Variants in SLC12A1 observed in about 807,000 individuals in gnomAD.
SLC12A1 encodes the protein solute carrier family 12 member 1.
A neutral mutation model predicts 130.4 loss-of-function variants in SLC12A1; 89 were observed. The observed-to-expected ratio is 0.68, with a 90% CI of 0.58 to 0.81. The LOEUF (loss-of-function observed/expected upper bound fraction) is 0.81. Ranked by LOEUF, SLC12A1 falls within the 40% of genes least tolerant of loss-of-function variation. SLC12A1 has a pLI of 0.00. For missense variants in SLC12A1, 1,310 were observed against 1,336.4 expected (o/e 0.98, Z 0.31); for synonymous variants, 499 against 460.0 (o/e 1.08, Z -1.09).
At chr15:48,227,109 T>C (rs1567309558) in intron 5 of SLC12A1, 2 of 1,552,200 alleles carry the variant, frequency 1.3e-6, no homozygotes, top group Non-Finnish European at 1.7e-6. Context: ...GGCCTAAGTG[T>C]GGTAGTAACG....
chr15:48,215,040 A>G (rs563159452), intron 2 of SLC12A1, among the ~76,000 whole-genome samples: 26 of 152,260 alleles, frequency 1.7e-4, no homozygotes, highest in African/African-American at 5.8e-4. Flanking sequence ...GTTGGAACTT[A>G]AAGAATAAAT....
chr15:48,295,912 G>T (rs1175619188), intron 24 of SLC12A1, among the ~76,000 whole-genome samples: 4 of 152,202 alleles, frequency 2.6e-5, no homozygotes, highest in African/African-American at 9.6e-5. Flanking sequence ...GTAGAAGACA[G>T]TATGGTCATT....
intron 6 of SLC12A1, 102 bp from the exon 7 acceptor site, chr15:48,230,291 C>T: frequency 1.5e-6 from 1 of 687,804 alleles, no homozygotes. Context: ...CTATATGGCC[C>T]CAGGTGTAAT....
At chr15:48,288,816 T>C (rs2042087313) in intron 23 of SLC12A1, among the ~76,000 whole-genome samples, 1 of 152,196 alleles carries the variant, frequency 6.6e-6, no homozygotes, top group Admixed American at 6.6e-5. Flanking sequence ...GCTTATTTTG[T>C]TCTGACCAGT....
chr15:48,242,136 C>T (rs533011627), intron 10 of SLC12A1, among the ~76,000 whole-genome samples: 6 of 152,120 alleles, frequency 3.9e-5, no homozygotes, highest in Non-Finnish European at 8.8e-5. Context: ...GGTGGCCAGC[C>T]CCTACATTGT....
chr15:48,237,062 TGAATTA>T, intron 9 of SLC12A1: 1 of 701,848 alleles, frequency 1.4e-6, no homozygotes, highest in East Asian at 2.7e-5. Flanking sequence ...TTCCCTTATA[TGAATTA>T]GAACAAGCAA....
At chr15:48,260,192 G>A (rs2041756870) in intron 17 of SLC12A1, among the ~76,000 whole-genome samples, 1 of 151,858 alleles carries the variant, frequency 6.6e-6, no homozygotes, top group Non-Finnish European at 1.5e-5. Flanking sequence ...TTGAACCTGG[G>A]AGGTGGAGGT....
chr15:48,241,876 G>T (rs757249011), intron 10 of SLC12A1, among the ~76,000 whole-genome samples: 1 of 152,168 alleles, frequency 6.6e-6, no homozygotes, highest in Non-Finnish European at 1.5e-5. Flanking sequence ...CACCCTTGAT[G>T]ATAATCCCAC....
intron 20 of SLC12A1, among the ~76,000 whole-genome samples, chr15:48,277,868 T>C (rs2141102011): frequency 6.6e-6 from 1 of 152,304 alleles, no homozygotes; most frequent in Non-Finnish European, 1.5e-5. Flanking sequence ...AGAGATCAAG[T>C]GTTTGTATAA....
chr15:48,257,904 C>T (rs2041725982), intron 16 of SLC12A1, among the ~76,000 whole-genome samples: 1 of 152,142 alleles, frequency 6.6e-6, no homozygotes, highest in South Asian at 2.1e-4. Flanking sequence ...TGGTTTTTTC[C>T]TTTCTACTGC....
At chr15:48,215,120 A>G (rs2041104530) in intron 2 of SLC12A1, among the ~76,000 whole-genome samples, 1 of 152,220 alleles carries the variant, frequency 6.6e-6, no homozygotes, top group Non-Finnish European at 1.5e-5. Context: ...GCTGGAACTT[A>G]AAGAACAAAT....
At chr15:48,227,145 C>A (rs1365216834) in intron 5 of SLC12A1, 15 of 1,551,682 alleles carry the variant, frequency 9.7e-6, no homozygotes, top group Non-Finnish European at 1.2e-5. Context: ...TCTATGTCTG[C>A]TATTTGCACG....
At chr15:48,240,508 A>G (rs946125241) in intron 9 of SLC12A1, among the ~76,000 whole-genome samples, 14 of 152,206 alleles carry the variant, frequency 9.2e-5, no homozygotes, top group African/African-American at 3.1e-4. Flanking sequence ...ACTTCCAGTC[A>G]TCAAGTTGAG....
chr15:48,302,364 C>T (rs7162417), intron 26 of SLC12A1, among the ~76,000 whole-genome samples: 2,368 of 151,442 alleles, frequency 0.016, 68 homozygotes, highest in African/African-American at 0.054. Flanking sequence ...CTCACGCCTG[C>T]AATCCCAGCA....
At chr15:48,258,152 G>A (rs1223638092) in intron 16 of SLC12A1, among the ~76,000 whole-genome samples, 5 of 71,682 alleles carry the variant, frequency 7.0e-5, no homozygotes, top group Non-Finnish European at 1.1e-4. Context: ...ACGAGGTCAG[G>A]AGATCGAGAC....
chr15:48,254,858 A>T (rs1485045188), intron 15 of SLC12A1, among the ~76,000 whole-genome samples: 1 of 151,700 alleles, frequency 6.6e-6, no homozygotes, highest in Non-Finnish European at 1.5e-5. Context: ...CGGGATGTGG[A>T]GCTTGCAGTA....
intron 24 of SLC12A1, among the ~76,000 whole-genome samples, chr15:48,295,397 G>A (rs1164726352): frequency 6.6e-6 from 1 of 151,884 alleles, no homozygotes; most frequent in African/African-American, 2.4e-5. Flanking sequence ...AGCTGCCATG[G>A]TCACCACCCT....
Position 48,289,425 on chromosome 15 carries a change from ATAT to A in SLC12A1, c.2873+910_2873+912del, listed in dbSNP as rs1566857978. ...TATATATATATATATATATATATAT[ATAT>A]AATGTATAACTATGTATAACTGTAT... On this transcript the variant is annotated intron_variant, in intron 23 of 26. Coordinates refer to ENST00000380993, the MANE Select transcript of SLC12A1 (RefSeq NM_000338.3). 8.8e-3 allele frequency among the ~76,000 whole-genome samples: 859 copies of A among 97,836 alleles called. 20 individuals are homozygous for A. The highest frequency in any genetic ancestry group is 0.014 in the African/African-American group (395 of 28,424). 64.2% of individuals were successfully genotyped at this position (97,836 alleles called of 152,430 possible).
chr15:48,236,264 T>C (rs997770194), intron 9 of SLC12A1, among the ~76,000 whole-genome samples: 3 of 152,120 alleles, frequency 2.0e-5, no homozygotes. Flanking sequence ...GGAAGTGAAA[T>C]GAAAATACTG....
Sources: gnomAD v4.1 joint callset for allele counts (sites outside exome capture counted in the v4.1 genomes callset) on GRCh38, gnomAD v4.1.1 for gene constraint, MANE v1.5 for transcripts, NCBI Gene and HGNC (gene_info 2026-07-23, HGNC 2026-07-21) for gene names.